ADGRF3: variants seen among roughly 807,000 people sequenced by gnomAD.
The protein encoded by ADGRF3 is G protein-coupled receptor 113.
Under a neutral mutation model 93.2 loss-of-function variants are expected in ADGRF3, and 85 were observed. The observed-to-expected ratio is 0.91, with a 90% CI of 0.77 to 1.09. The LOEUF (loss-of-function observed/expected upper bound fraction) is 1.09, where lower values mean the gene tolerates loss of function less well. ADGRF3 is among the 50% of genes least tolerant of loss of function. ADGRF3 has a pLI of 0.00. For synonymous variants in ADGRF3, 534 were observed against 532.5 expected, an observed-to-expected ratio of 1.00 and a Z score of -0.04; for missense variants, 1,125 against 1,246.2, an observed-to-expected ratio of 0.90 and a Z score of 1.46.
chr2:26,344,186 C>T (rs1231004171), intron 1 of ADGRF3, among the ~76,000 whole-genome samples: 1 of 152,072 alleles, frequency 6.6e-6, no homozygotes, highest in Non-Finnish European at 1.5e-5. Context: ...GCTCTGTCGC[C>T]CAGGCTGGAG....
rs1322736986 is a variant in ADGRF3, at chr2:26,346,132, G to C, written c.103C>G (p.Leu35Val). The C allele has an allele frequency of 3.8e-6, 6 of 1,595,778 alleles. No individual in the cohort carries two copies. In the African/African-American group the frequency reaches 5.4e-5, roughly 14 times the overall value. Residue 35 changes from leucine (L) to valine (V), a missense_variant, in exon 1 of 14, where the codon CTG (leucine) becomes GTG (valine). Coordinates refer to ENST00000651242, the MANE Select transcript of ADGRF3 (RefSeq NM_001321971.2). ...TGWARMAKTG[L>V]PEKGQSQAGG... ...CGCGGCTCTCCTACCTTCTCGGGCA[G>C]CCCAGTCTTTGCCATCCTTGCCCAG...
chr2:26,343,052 T>G (rs1442252219), intron 1 of ADGRF3, among the ~76,000 whole-genome samples: 1 of 152,212 alleles, frequency 6.6e-6, no homozygotes, highest in Non-Finnish European at 1.5e-5. Flanking sequence ...GTGCTATACT[T>G]TTAGATGACT....
chr2:26,310,589 C>T (rs1226486944), intron 10 of ADGRF3, 103 bp downstream of exon 10: 10 of 1,254,522 alleles, frequency 8.0e-6, no homozygotes, highest in Non-Finnish European at 1.1e-5. Flanking sequence ...ATTCCTGAAC[C>T]TATGTTTCTT....
Position 26,346,190 on chromosome 2 carries a change from G to T in ADGRF3, c.45C>A (p.Gly15=). ...KLSAHSAATP[G]YKAVTHKHHT... ...GGTGCTTGTGTGTCACAGCCTTGTA[G>T]CCGGGAGTCGCTGCCGAGTGGGCGC... is the stretch of plus-strand genomic sequence containing the variant. Residue 15 remains glycine (G), a synonymous_variant, in exon 1 of 14, where the codon GGC becomes GGA. Transcript: ENST00000651242. 6.2e-7 allele frequency: 1 copy of T among 1,613,174 alleles called. No individual in the cohort carries two copies. Among genetic ancestry groups the T allele is most frequent in the Non-Finnish European group, 8.5e-7 (1 of 1,179,506 alleles).
intron 1 of ADGRF3, chr2:26,318,123 T>C: frequency 6.5e-7 from 1 of 1,532,888 alleles, no homozygotes; most frequent in Non-Finnish European, 8.8e-7. Context: ...GAAGGGTCTG[T>C]CTGGTAGGGA....
intron 1 of ADGRF3, among the ~76,000 whole-genome samples, chr2:26,330,679 T>C (rs368979521): frequency 1.3e-5 from 2 of 152,312 alleles, no homozygotes; most frequent in South Asian, 4.1e-4. Flanking sequence ...CTCCACTCTC[T>C]CTGAGTGTTA....
chr2:26,310,199 C>T lies in ADGRF3; in HGVS notation c.2871G>A (p.Arg957=). ...GGGGTTAGGTGGGCAGACTTACCTT[C>T]CTGTCCATGAGGCAACCAAACAATA... is the stretch of plus-strand genomic sequence containing the variant. ...FILLFGCLMD[R]KIQEALRKRF... Residue 957 remains arginine, a synonymous_variant, in exon 11 of 14, where the codon AGG becomes AGA. Transcript: ENST00000651242. The T allele has an allele frequency of 1.2e-6, 2 of 1,614,014 alleles. No individual in the cohort carries two copies. Among genetic ancestry groups the T allele is most frequent in the Non-Finnish European group, 1.7e-6 (2 of 1,179,896 alleles).
Position 26,311,833 on chromosome 2 carries a change from G to T in ADGRF3, c.1691C>A (p.Pro564Gln), listed in dbSNP as rs1049165088. Residue 564 changes from proline to glutamine, a missense_variant, in exon 10 of 14, where the codon CCA becomes CAA. By Grantham distance (76) the Pro-to-Gln change is moderately conservative. Transcript: ENST00000651242. ...GTGCCTGGGAATCTGAGCCTGCAGT[G>T]GGGGCCGAGTAGGGAAGGAGATGCT... ...DYSISFPTRPPLQAQIPRHSL... is the reference protein window; with the variant it reads ...DYSISFPTRPQLQAQIPRHSL... 4 of 1,613,850 alleles carry T rather than the reference G, an allele frequency of 2.5e-6. No homozygotes were observed. The highest frequency in any genetic ancestry group is 3.4e-6 in the Non-Finnish European group (4 of 1,179,814).
chr2:26,310,297 A>T, intron 10 of ADGRF3, 60 bp from the exon 11 acceptor site: 1 of 1,571,222 alleles, frequency 6.4e-7, no homozygotes, highest in Non-Finnish European at 8.8e-7. Flanking sequence ...CCGAATCAAC[A>T]TGCTCCTTCT....
At chr2:26,318,490 G>A (rs1441403240) in intron 1 of ADGRF3, among the ~76,000 whole-genome samples, 1 of 152,052 alleles carries the variant, frequency 6.6e-6, no homozygotes, top group Non-Finnish European at 1.5e-5. Context: ...CATAAAGATA[G>A]ATTTAAATTT....
At position 26,316,262 on chromosome 2, in the gene ADGRF3, C is replaced by A; in HGVS notation, c.499+13G>T. The stretch of plus-strand genomic sequence containing the variant: ...TTAAGGCCATTGGTTTCCAAGTTCC[C>A]AACCTTCCTCACCAGGTGGCAGCAA... On this transcript the variant is annotated intron_variant, in intron 4 of 13. Coordinates refer to ENST00000651242, the MANE Select transcript of ADGRF3 (RefSeq NM_001321971.2). 4 of 1,549,414 alleles carry A rather than the reference C, an allele frequency of 2.6e-6. No individual in the cohort carries two copies. Among genetic ancestry groups the A allele is most frequent in the Non-Finnish European group, 3.5e-6 (4 of 1,145,934 alleles).
intron 1 of ADGRF3, among the ~76,000 whole-genome samples, chr2:26,336,478 C>T (rs551761996): frequency 1.3e-4 from 20 of 151,840 alleles, no homozygotes; most frequent in Non-Finnish European, 2.2e-4. Context: ...GTAATCCAAG[C>T]ACTTTGGGAG....
Position 26,316,381 on chromosome 2 carries a change from G to A in ADGRF3, c.393C>T (p.Ser131=). ...ACLSGYQWNT[S]ICLHYPPCQS... ...GACAAGGAGGGTAATGGAGGCAGATGCTGGTGTTCCACTGGTAGCCAGAGA... is the reference window on the plus strand; with the variant it reads ...GACAAGGAGGGTAATGGAGGCAGATACTGGTGTTCCACTGGTAGCCAGAGA... Residue 131 remains serine (S), a synonymous_variant, in exon 4 of 14, where the codon AGC becomes AGT. Transcript: ENST00000651242. 1 of 1,551,846 alleles carries A rather than the reference G, an allele frequency of 6.4e-7. No homozygotes were observed. Among genetic ancestry groups the A allele is most frequent in the Non-Finnish European group, 8.7e-7 (1 of 1,147,004 alleles).
chr2:26,324,254 A>G (rs1574719662), intron 1 of ADGRF3, among the ~76,000 whole-genome samples: 1 of 152,216 alleles, frequency 6.6e-6, no homozygotes, highest in East Asian at 1.9e-4. Context: ...CTGTCTCAAA[A>G]GAAAAAAGAA....
intron 1 of ADGRF3, among the ~76,000 whole-genome samples, chr2:26,321,482 C>T (rs1331106098): frequency 6.6e-6 from 1 of 152,020 alleles, no homozygotes; most frequent in Non-Finnish European, 1.5e-5. Context: ...CTATGCTCAA[C>T]AGGGTCTGTT....
At chr2:26,321,626 G>A (rs1160857142) in intron 1 of ADGRF3, among the ~76,000 whole-genome samples, 1 of 152,098 alleles carries the variant, frequency 6.6e-6, no homozygotes, top group African/African-American at 2.4e-5. Context: ...AGGGAAGGCT[G>A]TTCATCCATC....
intron 1 of ADGRF3, chr2:26,317,968 G>A (rs1169937889): frequency 8.5e-6 from 12 of 1,403,896 alleles, no homozygotes; most frequent in Non-Finnish European, 9.9e-6. Flanking sequence ...GCAGAAGGCA[G>A]CCTCTTTCCT....
intron 1 of ADGRF3, among the ~76,000 whole-genome samples, chr2:26,321,451 A>G (rs911148647): frequency 6.6e-6 from 1 of 152,072 alleles, no homozygotes; most frequent in Non-Finnish European, 1.5e-5. Flanking sequence ...GGAGTCTGTC[A>G]AGGCATGAAG....
At chr2:26,317,249 G>A (rs936998683) in intron 2 of ADGRF3, among the ~76,000 whole-genome samples, 194 bp from the exon 3 acceptor site, 7 of 152,140 alleles carry the variant, frequency 4.6e-5, no homozygotes, top group Non-Finnish European at 2.9e-5. Flanking sequence ...TCAGATACAC[G>A]GCTTCATGTC....
Sources: allele counts gnomAD v4.1 joint callset (sites outside exome capture counted in the v4.1 genomes callset), GRCh38; gene constraint gnomAD v4.1.1; transcripts MANE v1.5; gene names NCBI Gene and HGNC (gene_info 2026-07-23, HGNC 2026-07-21).